PDE4D: variants seen among roughly 807,000 people sequenced by gnomAD.
PDE4D encodes the protein phosphodiesterase 4D, also known as 3',5'-cyclic-AMP phosphodiesterase 4D.
PDE4D carries 24 observed loss-of-function variants against 87.4 expected under a neutral mutation model. The ratio of observed to expected loss-of-function variants is 0.27; its 90% CI spans 0.20 to 0.39. The LOEUF is 0.39. Ranked by LOEUF, PDE4D falls within the 10% of genes least tolerant of loss-of-function variation. PDE4D has a pLI of 1.00. For missense variants in PDE4D, 714 were observed against 1,041.0 expected, an observed-to-expected ratio of 0.69 and a Z score of 4.32; for synonymous variants, 384 against 383.2, an observed-to-expected ratio of 1.00 and a Z score of -0.02.
At chr5:60,097,548 T>C (rs1775801980) in intron 2 of PDE4D, among the ~76,000 whole-genome samples, 1 of 152,048 alleles carries the variant, frequency 6.6e-6, no homozygotes, top group Admixed American at 6.6e-5. Flanking sequence ...AGCCTTGCCA[T>C]TTGGGCATAG....
intron 3 of PDE4D, among the ~76,000 whole-genome samples, chr5:59,906,369 T>C (rs1208367071): frequency 6.6e-6 from 1 of 152,182 alleles, no homozygotes; most frequent in Admixed American, 6.6e-5. Context: ...GTAGTTAGCC[T>C]TCTAAGCTAG....
chr5:59,648,011 T>A (rs1390388064), intron 1 of PDE4D, among the ~76,000 whole-genome samples: 3 of 152,208 alleles, frequency 2.0e-5, no homozygotes, highest in African/African-American at 7.2e-5. Context: ...ATTCTCTGTG[T>A]GATTATGTAT....
In PDE4D at chr5:59,215,928, A is replaced by G. The variant is rs1422957514; in HGVS notation, c.496T>C (p.Leu166=). ...GATCCTGGGCTGGTCATGGGATCCA[A>G]GGGACTCCGTCCCGCAGATGTGCCA... ...DNGTSAGRSP[L]DPMTSPGSGL... The change falls in exon 2 of 15, where the codon TTG becomes CTG. Residue 166 remains leucine (L), a synonymous_variant. Coordinates refer to ENST00000340635, the MANE Select transcript of PDE4D (RefSeq NM_001104631.2). The G allele has an allele frequency of 6.2e-7, 1 of 1,613,318 alleles. No homozygotes were observed. Among genetic ancestry groups the G allele is most frequent in the Admixed American group, 1.7e-5 (1 of 59,948 alleles).
intron 1 of PDE4D, among the ~76,000 whole-genome samples, chr5:60,446,807 C>T (rs894169587): frequency 2.6e-5 from 4 of 152,100 alleles, no homozygotes; most frequent in Admixed American, 6.6e-5. Context: ...GGTATGCCTG[C>T]TCATACTGGC....
At chr5:59,375,024 T>C (rs562241533) in intron 1 of PDE4D, among the ~76,000 whole-genome samples, 31 of 152,166 alleles carry the variant, frequency 2.0e-4, no homozygotes, top group African/African-American at 7.2e-4. Context: ...CTCTGGAAAA[T>C]AGCTAAGGCA....
intron 1 of PDE4D, among the ~76,000 whole-genome samples, chr5:59,691,576 G>T (rs1366162927): frequency 2.1e-5 from 3 of 141,662 alleles, no homozygotes; most frequent in Non-Finnish European, 3.1e-5. Flanking sequence ...GTCATGGAGT[G>T]GGGGGAGGGG....
At chr5:59,296,434 T>C (rs752411654) in intron 1 of PDE4D, among the ~76,000 whole-genome samples, 2 of 152,174 alleles carry the variant, frequency 1.3e-5, no homozygotes, top group East Asian at 1.9e-4. Context: ...AAATCCTGCA[T>C]TGTTACTCTT....
intron 6 of PDE4D, among the ~76,000 whole-genome samples, chr5:58,993,775 T>C (rs1276104366): frequency 1.3e-5 from 2 of 152,170 alleles, no homozygotes; most frequent in African/African-American, 2.4e-5. Context: ...ATGTGGCTCA[T>C]GGCCACCAGA....
intron 1 of PDE4D, among the ~76,000 whole-genome samples, chr5:60,411,342 T>C (rs948383530): frequency 3.3e-5 from 5 of 152,184 alleles, no homozygotes; most frequent in African/African-American, 1.2e-4. Context: ...AAGACTAGCT[T>C]AAGTATAAAG....
At chr5:59,753,955 TTC>T (rs921349496) in intron 1 of PDE4D, among the ~76,000 whole-genome samples, 1 of 152,212 alleles carries the variant, frequency 6.6e-6, no homozygotes, top group African/African-American at 2.4e-5. Context: ...TTCTTGGAAC[TTC>T]TGTTTTTTTA....
chr5:59,356,071 T>C (rs966632114), intron 1 of PDE4D, among the ~76,000 whole-genome samples: 7 of 152,200 alleles, frequency 4.6e-5, no homozygotes, highest in African/African-American at 1.4e-4. Context: ...TTCTAAACAA[T>C]AATAAAGAAT....
At chr5:60,047,346 GT>G (rs1174293410) in intron 2 of PDE4D, among the ~76,000 whole-genome samples, 3 of 152,162 alleles carry the variant, frequency 2.0e-5, no homozygotes, top group African/African-American at 7.2e-5. Flanking sequence ...TTTTTGAAGG[GT>G]TTTTTGTGTC....
At chr5:60,459,994 T>C in intron 1 of PDE4D, 2 of 917,624 alleles carry the variant, frequency 2.2e-6, no homozygotes, top group Non-Finnish European at 1.8e-6. Context: ...TTCTGCTTCT[T>C]CATCATCCAT....
intron 2 of PDE4D, among the ~76,000 whole-genome samples, chr5:60,043,973 T>G (rs1344638552): frequency 6.6e-6 from 1 of 152,212 alleles, no homozygotes; most frequent in Non-Finnish European, 1.5e-5. Flanking sequence ...CAATGAGATT[T>G]CTGATGTAAT....
Position 59,820,044 on chromosome 5 carries a change from G to A in PDE4D, c.455+73124C>T, listed in dbSNP as rs553540983. On this transcript the variant is annotated intron_variant, in intron 1 of 14. Transcript: ENST00000340635. ...TTGGCCTGTCAGAAACACAATGTCC[G>A]TGTGTGTAAGATGAAAACAACAATA... 6.1e-4 allele frequency among the ~76,000 whole-genome samples: 93 copies of A among 152,278 alleles called. 1 individual carries two copies. Among genetic ancestry groups the A allele is most frequent in the African/African-American group, 2.1e-3 (87 of 41,560 alleles).
At chr5:59,926,574 A>AT (rs1179785686) in intron 3 of PDE4D, among the ~76,000 whole-genome samples, 8 of 152,258 alleles carry the variant, frequency 5.3e-5, no homozygotes, top group South Asian at 2.1e-4. Context: ...TAAAAAGTTG[A>AT]TTTTTTGAAA....
At chr5:59,046,329 T>TGG (rs2153400222) in intron 5 of PDE4D, among the ~76,000 whole-genome samples, 1 of 150,734 alleles carries the variant, frequency 6.6e-6, no homozygotes, top group East Asian at 2.0e-4. Context: ...TTTGTGCACA[T>TGG]GCATGTGTGT....
intron 6 of PDE4D, among the ~76,000 whole-genome samples, chr5:59,032,888 G>A (rs940237521): frequency 1.3e-5 from 2 of 152,052 alleles, no homozygotes; most frequent in Non-Finnish European, 2.9e-5. Flanking sequence ...GCTCCAGAGC[G>A]GTAAGGCCTA....
intron 1 of PDE4D, among the ~76,000 whole-genome samples, chr5:60,201,244 T>TTAAG (rs1288088121): frequency 6.6e-6 from 1 of 151,206 alleles, no homozygotes; most frequent in Non-Finnish European, 1.5e-5. Context: ...GTTTTTTTTT[T>TTAAG]TAAGTTAAGT....
Sources: allele counts gnomAD v4.1 joint callset (sites outside exome capture counted in the v4.1 genomes callset), GRCh38; gene constraint gnomAD v4.1.1; transcripts MANE v1.5; gene names NCBI Gene and HGNC (gene_info 2026-07-23, HGNC 2026-07-21).